Variants in NALF1 observed in about 807,000 individuals in gnomAD.
NALF1 encodes the protein family with sequence similarity 155 member A.
NALF1 carries 3 observed loss-of-function variants against 48.4 expected under a neutral mutation model. That is an observed-to-expected ratio of 0.06 (90% CI 0.03 to 0.16). The LOEUF (loss-of-function observed/expected upper bound fraction) is 0.16. Among genes scored for constraint, NALF1 ranks in the 10% least tolerant of loss-of-function variants. The pLI is 1.00. For missense variants in NALF1, 526 were observed against 571.5 expected (o/e 0.92, Z 0.81); for synonymous variants, 262 against 245.7 (o/e 1.07, Z -0.62).
At chr13:107,351,254 C>G (rs1882866746) in intron 1 of NALF1, among the ~76,000 whole-genome samples, 1 of 106,354 alleles carries the variant, frequency 9.4e-6, no homozygotes, top group Admixed American at 9.2e-5. Flanking sequence ...GTGTTCTTAC[C>G]GCAATAAAAA....
At chr13:107,804,316 G>C (rs1235395715) in intron 1 of NALF1, among the ~76,000 whole-genome samples, 1 of 152,038 alleles carries the variant, frequency 6.6e-6, no homozygotes, top group Non-Finnish European at 1.5e-5. Context: ...TGCTTCCCTA[G>C]TGCTGGGGAG....
In NALF1 at chr13:107,840,610, C is replaced by T. The variant is rs114925758; in HGVS notation, c.915+25072G>A. Among the ~76,000 whole-genome samples, 820 of 152,346 alleles carry T rather than the reference C, an allele frequency of 5.4e-3. 8 individuals carry two copies. Among genetic ancestry groups the T allele is most frequent in the African/African-American group, 0.019 (787 of 41,588 alleles). On this transcript the variant is annotated intron_variant, in intron 1 of 2. Coordinates refer to ENST00000375915, the MANE Select transcript of NALF1 (RefSeq NM_001080396.3). The stretch of plus-strand genomic sequence containing the variant: ...CAGACATTCAGTGTACTTGGTCTCA[C>T]TGACACATGCAGCTGCAAATTAGTT...
intron 1 of NALF1, among the ~76,000 whole-genome samples, chr13:107,243,211 C>G (rs1196946592): frequency 6.6e-6 from 1 of 152,212 alleles, no homozygotes; most frequent in Admixed American, 6.5e-5. Flanking sequence ...GCCGCTGCGT[C>G]TATTTCCTTT....
chr13:107,269,101 T>C (rs1881101934), intron 1 of NALF1, among the ~76,000 whole-genome samples: 1 of 151,572 alleles, frequency 6.6e-6, no homozygotes, highest in Admixed American at 6.6e-5. Context: ...AGGTCCAGAT[T>C]GCAGTAAGCT....
rs1362648655 is a variant in NALF1, at chr13:107,331,069, A to G, written c.916-120314T>C. Among the ~76,000 whole-genome samples, 4 of 152,230 alleles carry G rather than the reference A, an allele frequency of 2.6e-5. No individual in the cohort carries two copies. In the East Asian group the frequency reaches 7.7e-4, roughly 29 times the overall value. On this transcript the variant is annotated intron_variant, in intron 1 of 2. Transcript: ENST00000375915. The stretch of plus-strand genomic sequence containing the variant: ...TAGATTAGGATGGTAAAAGAAGATT[A>G]AGAAATACTATTAGTAACAGTTTTA...
At chr13:107,609,064 A>G (rs1355361347) in intron 1 of NALF1, among the ~76,000 whole-genome samples, 1 of 152,140 alleles carries the variant, frequency 6.6e-6, no homozygotes, top group Non-Finnish European at 1.5e-5. Context: ...GGAGGAAAGA[A>G]GACTACCTTT....
At chr13:107,422,046 C>A (rs1450430067) in intron 1 of NALF1, among the ~76,000 whole-genome samples, 1 of 152,090 alleles carries the variant, frequency 6.6e-6, no homozygotes, top group Non-Finnish European at 1.5e-5. Context: ...ACCATTCAAC[C>A]CTTACCCATA....
intron 1 of NALF1, among the ~76,000 whole-genome samples, chr13:107,731,572 G>A (rs1212403035): frequency 6.6e-6 from 1 of 152,044 alleles, no homozygotes; most frequent in Non-Finnish European, 1.5e-5. Flanking sequence ...CCCTCAAGTA[G>A]GTCCCACTGT....
chr13:107,732,371 T>C (rs765183811), intron 1 of NALF1, among the ~76,000 whole-genome samples: 5 of 152,190 alleles, frequency 3.3e-5, no homozygotes, highest in Non-Finnish European at 7.3e-5. Flanking sequence ...GATGTCTACA[T>C]GGTGTGCAAG....
intron 1 of NALF1, among the ~76,000 whole-genome samples, chr13:107,644,764 T>C (rs948336015): frequency 1.3e-5 from 2 of 151,564 alleles, no homozygotes; most frequent in African/African-American, 4.8e-5. Context: ...TAAGTGTTAA[T>C]GTTTAAAGTA....
At chr13:107,670,350 G>C (rs1048878852) in intron 1 of NALF1, among the ~76,000 whole-genome samples, 1 of 151,996 alleles carries the variant, frequency 6.6e-6, no homozygotes, top group Non-Finnish European at 1.5e-5. Context: ...AGGAAGGGTC[G>C]TAGTATCTCA....
chr13:107,767,039 CA>C, intron 1 of NALF1, among the ~76,000 whole-genome samples: 1 of 152,032 alleles, frequency 6.6e-6, no homozygotes, highest in Non-Finnish European at 1.5e-5. Context: ...AAGACAGAGT[CA>C]GAGAGAAAAA....
chr13:107,770,474 T>C (rs1461966956), intron 1 of NALF1, among the ~76,000 whole-genome samples: 1 of 152,196 alleles, frequency 6.6e-6, no homozygotes, highest in African/African-American at 2.4e-5. Flanking sequence ...GTAACTCTAG[T>C]TTATTATTAA....
intron 1 of NALF1, among the ~76,000 whole-genome samples, chr13:107,839,908 T>C (rs529474913): frequency 2.0e-5 from 3 of 152,136 alleles, no homozygotes; most frequent in Non-Finnish European, 4.4e-5. Flanking sequence ...CTCCTTCCCT[T>C]TAATATATAA....
At chr13:107,819,053 C>T (rs1212431849) in intron 1 of NALF1, among the ~76,000 whole-genome samples, 2 of 152,108 alleles carry the variant, frequency 1.3e-5, no homozygotes, top group African/African-American at 4.8e-5. Context: ...AGTGGGCAAG[C>T]TCTTACAGAT....
chr13:107,765,302 G>A (rs1349698953), intron 1 of NALF1, among the ~76,000 whole-genome samples: 6 of 152,086 alleles, frequency 3.9e-5, no homozygotes, highest in Non-Finnish European at 7.4e-5. Context: ...AATTCAAAGA[G>A]CTGGGTCTCA....
intron 1 of NALF1, among the ~76,000 whole-genome samples, chr13:107,530,435 T>C (rs1195070881): frequency 6.6e-6 from 1 of 152,168 alleles, no homozygotes; most frequent in Non-Finnish European, 1.5e-5. Context: ...AGCAAATTAC[T>C]TGCTGAATGA....
At chr13:107,328,595 G>A (rs535704495) in intron 1 of NALF1, among the ~76,000 whole-genome samples, 6 of 152,206 alleles carry the variant, frequency 3.9e-5, no homozygotes, top group Non-Finnish European at 7.4e-5. Flanking sequence ...CTCTTCTATT[G>A]AGATACAGTG....
At chr13:107,191,675 T>G (rs1304314377) in intron 2 of NALF1, among the ~76,000 whole-genome samples, 4 of 151,410 alleles carry the variant, frequency 2.6e-5, no homozygotes, top group Non-Finnish European at 4.4e-5. Context: ...TCTTAATTTT[T>G]TTTTTTTTTT....
Sources: allele counts gnomAD v4.1 joint callset (sites outside exome capture counted in the v4.1 genomes callset), GRCh38; gene constraint gnomAD v4.1.1; transcripts MANE v1.5; gene names NCBI Gene and HGNC (gene_info 2026-07-23, HGNC 2026-07-21).